ARMC7: variants seen among roughly 807,000 people sequenced by gnomAD.
ARMC7 encodes the protein armadillo repeat containing 7.
A neutral mutation model predicts 14.8 loss-of-function variants in ARMC7; 9 were observed. The observed-to-expected ratio is 0.61, with a 90% CI of 0.37 to 1.06. ARMC7 has a LOEUF of 1.06. ARMC7 is among the 50% of genes least tolerant of loss of function. The pLI is 0.01. For synonymous variants in ARMC7, 125 were observed against 123.4 expected (o/e 1.01, Z -0.09); for missense variants, 262 against 267.1 (o/e 0.98, Z 0.13).
chr17:75,129,043 T>C lies in ARMC7; in HGVS notation c.*5T>C. The stretch of plus-strand genomic sequence containing the variant: ...GTGGCCCCACGGCAGCGCTGATCCA[T>C]GGAGACTGCGAGACCGTGGCACCCC... On this transcript the variant is annotated 3_prime_UTR_variant, in exon 3 of 3. Coordinates refer to ENST00000245543, the MANE Select transcript of ARMC7 (RefSeq NM_024585.4). 3 of 1,590,444 alleles carry C rather than the reference T, an allele frequency of 1.9e-6. No homozygotes were observed. The highest frequency in any genetic ancestry group is 2.6e-6 in the Non-Finnish European group (3 of 1,174,594).
At chr17:75,121,283 T>C (rs139040041) in intron 2 of ARMC7, among the ~76,000 whole-genome samples, 1 of 152,358 alleles carries the variant, frequency 6.6e-6, no homozygotes, top group Non-Finnish European at 1.5e-5. Context: ...TTCTCTCACC[T>C]AGGAGTGGAG....
chr17:75,120,268 C>T (rs1315430371), intron 2 of ARMC7, among the ~76,000 whole-genome samples: 3 of 152,118 alleles, frequency 2.0e-5, no homozygotes, highest in Non-Finnish European at 4.4e-5. Context: ...GTTGTCCCTC[C>T]CTGCACCAGT....
At chr17:75,119,299 G>T (rs1445020360) in intron 2 of ARMC7, among the ~76,000 whole-genome samples, 1 of 152,228 alleles carries the variant, frequency 6.6e-6, no homozygotes, top group East Asian at 1.9e-4. Flanking sequence ...GTGTGAGAAG[G>T]CAGGGTGGAG....
At chr17:75,121,296 G>A (rs2074011774) in intron 2 of ARMC7, among the ~76,000 whole-genome samples, 1 of 152,198 alleles carries the variant, frequency 6.6e-6, no homozygotes, top group African/African-American at 2.4e-5. Flanking sequence ...GAGTGGAGTT[G>A]CTCAGTCCTA....
At chr17:75,116,332 G>A (rs1446194697) in intron 2 of ARMC7, among the ~76,000 whole-genome samples, 1 of 152,148 alleles carries the variant, frequency 6.6e-6, no homozygotes, top group Non-Finnish European at 1.5e-5. Context: ...AAGGTTTAAA[G>A]AGTACCAGAC....
intron 2 of ARMC7, 110 bp downstream of exon 2, chr17:75,110,716 A>G: frequency 1.4e-6 from 2 of 1,428,760 alleles, no homozygotes; most frequent in Non-Finnish European, 1.9e-6. Context: ...TAATCCCAGC[A>G]GTTTGGGAAG....
chr17:75,118,939 C>T (rs143937415), intron 2 of ARMC7, among the ~76,000 whole-genome samples: 2,159 of 152,340 alleles, frequency 0.014, 25 homozygotes, highest in Middle Eastern at 0.082. Context: ...GCCAGGACTT[C>T]GCCCCTGTCA....
At chr17:75,110,664 T>C (rs2073911502) in intron 2 of ARMC7, 58 bp downstream of exon 2, 3 of 1,598,370 alleles carry the variant, frequency 1.9e-6, no homozygotes, top group Non-Finnish European at 2.6e-6. Context: ...ATAAGTGAAT[T>C]AGAAGTGAGT....
At position 75,110,349 on chromosome 17, in the gene ARMC7, G is replaced by A. The variant is rs1204629815; in HGVS notation, c.61G>A (p.Val21Ile). ...VGRLGYLQAL[V>I]TEFQETQSQD... ...GCGGCTGGGATACCTGCAGGCGCTG[G>A]TCACGGAATTCCAGGAGACCCAAAG... Residue 21 changes from valine to isoleucine, a missense_variant, in exon 1 of 3, where the codon GTC (valine) becomes ATC (isoleucine). By Grantham distance (29) the Val-to-Ile change is conservative. Transcript: ENST00000245543. 2.5e-6 allele frequency: 4 copies of A among 1,613,956 alleles called. No homozygotes were observed. In the Admixed American group the frequency reaches 6.7e-5, roughly 27 times the overall value.
chr17:75,118,282 T>C (rs1598167076), intron 2 of ARMC7, among the ~76,000 whole-genome samples: 1 of 152,220 alleles, frequency 6.6e-6, no homozygotes, highest in Non-Finnish European at 1.5e-5. Context: ...TGGAATTTCA[T>C]GAAGGGACTC....
chr17:75,118,007 G>T (rs952262613), intron 2 of ARMC7, among the ~76,000 whole-genome samples: 1 of 151,764 alleles, frequency 6.6e-6, no homozygotes, highest in Non-Finnish European at 1.5e-5. Flanking sequence ...TGTAATCCCA[G>T]CTACTCTGGA....
At position 75,110,005 on chromosome 17, in the gene ARMC7, G is replaced by C. The variant is rs1402216303; in HGVS notation, c.-284G>C. ...CAGGAGCCGGGGACGGTGCGCCAGT[G>C]CCCCCTCCGCGAGCCCCAACCAGTA... On this transcript the variant is annotated 5_prime_UTR_variant, in exon 1 of 3. Coordinates refer to ENST00000245543, the MANE Select transcript of ARMC7 (RefSeq NM_024585.4). 1 of 372,212 alleles carries C rather than the reference G, an allele frequency of 2.7e-6. No homozygotes were observed. The highest frequency in any genetic ancestry group is 4.9e-6 in the Non-Finnish European group (1 of 203,746). 23.1% of individuals were successfully genotyped at this position (372,212 alleles called of 1,614,324 possible). A position where few individuals can be genotyped will look rare whatever the true frequency, so the allele number is the denominator to read the frequency against.
chr17:75,126,145 C>T (rs1026933802), intron 2 of ARMC7, among the ~76,000 whole-genome samples: 2 of 152,136 alleles, frequency 1.3e-5, no homozygotes, highest in African/African-American at 4.8e-5. Context: ...GAGGTGGCTT[C>T]CTCCACTGAG....
chr17:75,114,304 C>T, intron 2 of ARMC7: 2 of 400,644 alleles, frequency 5.0e-6, no homozygotes, highest in Admixed American at 4.4e-5. Context: ...GCAGTCCCCA[C>T]CAAAAGTGTT....
chr17:75,120,854 G>T (rs1197146614), intron 2 of ARMC7, among the ~76,000 whole-genome samples: 1 of 147,678 alleles, frequency 6.8e-6, no homozygotes, highest in African/African-American at 2.5e-5. Context: ...ATGATCAACA[G>T]AATAAAATGC....
chr17:75,122,266 C>T (rs1380320227), intron 2 of ARMC7, among the ~76,000 whole-genome samples: 2 of 151,840 alleles, frequency 1.3e-5, no homozygotes, highest in African/African-American at 2.4e-5. Context: ...GTGGAGGATG[C>T]AGTGAGCCGA....
chr17:75,116,639 A>G (rs1394118257), intron 2 of ARMC7, among the ~76,000 whole-genome samples: 1 of 152,188 alleles, frequency 6.6e-6, no homozygotes, highest in Non-Finnish European at 1.5e-5. Context: ...ATAAATAAAG[A>G]GTACCAGACC....
intron 2 of ARMC7, among the ~76,000 whole-genome samples, chr17:75,125,936 C>T (rs923871434): frequency 5.3e-5 from 8 of 152,186 alleles, no homozygotes; most frequent in South Asian, 2.1e-4. Flanking sequence ...AGACTCCTGC[C>T]CCAGTCAGTG....
chr17:75,109,977 G>A lies in ARMC7; in HGVS notation c.-312G>A. ...GCTTCCGCCGGGAGCCCGGAACCGA[G>A]CCCAGGAGCCGGGGACGGTGCGCCA... On this transcript the variant is annotated 5_prime_UTR_variant, in exon 1 of 3. Coordinates refer to ENST00000245543, the MANE Select transcript of ARMC7 (RefSeq NM_024585.4). The surrounding 1 kb of genome is among the most constrained non-coding windows in gnomAD (Gnocchi z 5.0). 3.1e-6 allele frequency: 1 copy of A among 321,154 alleles called. No homozygotes were observed. Among genetic ancestry groups the A allele is most frequent in the South Asian group, 4.2e-5 (1 of 24,038 alleles). The allele number at this position is 321,154 out of a possible 1,614,324, so 19.9% of individuals were successfully genotyped here. A position where few individuals can be genotyped will look rare whatever the true frequency, so the allele number is the denominator to read the frequency against.
Sources: gnomAD v4.1 joint callset for allele counts (sites outside exome capture counted in the v4.1 genomes callset) on GRCh38, gnomAD v4.1.1 for gene constraint, Gnocchi (gnomAD v3.1) non-coding constraint, MANE v1.5 for transcripts, NCBI Gene and HGNC (gene_info 2026-07-23, HGNC 2026-07-21) for gene names.